Variants in BANP observed in about 807,000 individuals in gnomAD.
BANP encodes the protein protein BANP.
In BANP, 11 loss-of-function variants were observed where a neutral mutation model predicts 68.1. The ratio of observed to expected loss-of-function variants is 0.16; its 90% confidence interval spans 0.10 to 0.27. BANP has a LOEUF of 0.27. Ranked by LOEUF, BANP falls within the 10% of genes least tolerant of loss-of-function variation. BANP has a pLI of 1.00. For missense variants in BANP, 504 were observed against 722.7 expected (o/e 0.70, Z 3.47); for synonymous variants, 329 against 303.2 (o/e 1.09, Z -0.88).
chr16:88,030,406 G>A (rs1175668041), intron 8 of BANP, among the ~76,000 whole-genome samples: 5 of 152,238 alleles, frequency 3.3e-5, no homozygotes, highest in Admixed American at 6.5e-5. Context: ...CTCGAAGAGT[G>A]AGGAGAGTTG....
intron 13 of BANP, 61 bp downstream of exon 13, chr16:88,072,273 C>G (rs997059977): frequency 2.2e-5 from 34 of 1,547,886 alleles, no homozygotes; most frequent in Non-Finnish European, 2.8e-5. Context: ...GCCGCTGCCA[C>G]CGGGCACACG....
chr16:88,033,255 C>G lies in BANP; in HGVS notation c.1200+10C>G, dbSNP rs748972508. ...CGGACAGGTGCAAGTAGTACGTACCCTCTCCACCTCACACCTTGGGAAAGG... is the reference window on the plus strand; with the variant it reads ...CGGACAGGTGCAAGTAGTACGTACCGTCTCCACCTCACACCTTGGGAAAGG... On this transcript the variant is annotated intron_variant, in intron 9 of 13. Coordinates refer to ENST00000682872, the MANE Select transcript of BANP (RefSeq NM_001386991.1). 2 of 1,567,484 alleles carry G rather than the reference C, an allele frequency of 1.3e-6. No homozygotes were observed. Among genetic ancestry groups the G allele is most frequent in the Non-Finnish European group, 1.7e-6 (2 of 1,149,512 alleles).
In BANP at chr16:88,018,373, G is replaced by C; in HGVS notation, c.656-55G>C. On this transcript the variant is annotated intron_variant, in intron 6 of 13. Transcript: ENST00000682872. The surrounding 1 kb of genome is among the most constrained non-coding windows in gnomAD (Gnocchi z 7.7). ...CCTGAGCAGAGCGCTCTGCTGTCCTGAATGTGAGCTTATTTGAGCCTTGGC... is the reference window on the plus strand; with the variant it reads ...CCTGAGCAGAGCGCTCTGCTGTCCTCAATGTGAGCTTATTTGAGCCTTGGC... The C allele has an allele frequency of 6.3e-7, 1 of 1,575,372 alleles. No homozygotes were observed. Among genetic ancestry groups the C allele is most frequent in the Non-Finnish European group, 8.6e-7 (1 of 1,159,678 alleles).
At chr16:88,011,454 A>T (rs1016758049) in intron 6 of BANP, among the ~76,000 whole-genome samples, 21 of 152,188 alleles carry the variant, frequency 1.4e-4, no homozygotes, top group African/African-American at 4.3e-4. Flanking sequence ...GATCCTTTTT[A>T]ACTCAGGGTT....
At chr16:88,008,071 G>C (rs4843295) in intron 6 of BANP, among the ~76,000 whole-genome samples, 29,681 of 152,006 alleles carry the variant, frequency 0.2, 3,624 homozygotes, top group South Asian at 0.36. Flanking sequence ...GCTCATCTCC[G>C]TCCTCGTGGA....
chr16:88,031,808 T>A (rs1037948537), intron 8 of BANP, among the ~76,000 whole-genome samples: 2 of 131,828 alleles, frequency 1.5e-5, no homozygotes, highest in South Asian at 2.9e-4. Context: ...CTCCCCTCTC[T>A]TGCCCCTCCC....
intron 4 of BANP, among the ~76,000 whole-genome samples, chr16:87,997,659 G>A (rs554503572): frequency 6.6e-6 from 1 of 152,058 alleles, no homozygotes; most frequent in South Asian, 2.1e-4. Flanking sequence ...TAGCCAGGAT[G>A]GCTGGGAGTG....
rs1428223886 is a variant in BANP at position 88,057,899 on chromosome 16, G to A, written c.1312-7368G>A. ...TCCGGACAGTGCGGTGCGGGGCAGC[G>A]AGTGGCCGCCTGTGTTCCGACAAGC... On this transcript the variant is annotated intron_variant, in intron 11 of 13. Transcript: ENST00000682872. The surrounding 1 kb of genome is among the most constrained non-coding windows in gnomAD (Gnocchi z 4.6). 3.3e-5 allele frequency among the ~76,000 whole-genome samples: 5 copies of A among 152,148 alleles called. 1 individual carries two copies. The highest frequency in any genetic ancestry group is 1.3e-4 in the Admixed American group (2 of 15,284).
At chr16:88,048,232 A>T (rs1392742600) in intron 11 of BANP, among the ~76,000 whole-genome samples, 1 of 152,250 alleles carries the variant, frequency 6.6e-6, no homozygotes, top group Admixed American at 6.5e-5. Flanking sequence ...ATTTGATGTG[A>T]TTGAAGACTT....
Position 88,033,018 on chromosome 16 carries a change from C to T in BANP, c.1064-91C>T, listed in dbSNP as rs551984807. On this transcript the variant is annotated intron_variant, in intron 8 of 13. Coordinates refer to ENST00000682872, the MANE Select transcript of BANP (RefSeq NM_001386991.1). ...ATTTCCTCTTCTCTGCTGTGGGAGT[C>T]GACAGTGGGGGACGGGGGTGCACAC... 4.3e-5 allele frequency: 58 copies of T among 1,352,646 alleles called. No individual in the cohort carries two copies. The East Asian group carries it at 6.6e-4, about 15-fold the overall frequency. The allele number at this position is 1,352,646 out of a possible 1,614,324, so 83.8% of individuals were successfully genotyped here. A position where few individuals can be genotyped will look rare whatever the true frequency, so the allele number is the denominator to read the frequency against.
At chr16:87,986,788 A>G (rs1470483914) in intron 4 of BANP, among the ~76,000 whole-genome samples, 1 of 152,202 alleles carries the variant, frequency 6.6e-6, no homozygotes, top group Non-Finnish European at 1.5e-5. Flanking sequence ...CAGTGAAATA[A>G]GAGTAAAGTT....
intron 7 of BANP, among the ~76,000 whole-genome samples, chr16:88,026,970 A>C (rs1274676176): frequency 1.3e-5 from 2 of 152,370 alleles, no homozygotes; most frequent in Non-Finnish European, 2.9e-5. Context: ...CGGGAGGGCC[A>C]GGTGGTTATC....
intron 3 of BANP, among the ~76,000 whole-genome samples, chr16:87,983,157 G>A (rs12918162): frequency 0.65 from 99,291 of 151,852 alleles, 33,054 homozygotes; most frequent in African/African-American, 0.74. Flanking sequence ...GACGAAACAC[G>A]AATTCTGTGC....
At chr16:87,964,571 C>CTG (rs1218382713) in intron 1 of BANP, among the ~76,000 whole-genome samples, 1 of 149,550 alleles carries the variant, frequency 6.7e-6, no homozygotes, top group African/African-American at 2.5e-5. Context: ...GCCCCAGGGG[C>CTG]TGCAGAGGGC....
At chr16:88,073,907 GA>G (rs2091018592) in intron 13 of BANP, among the ~76,000 whole-genome samples, 1 of 152,246 alleles carries the variant, frequency 6.6e-6, no homozygotes, top group Admixed American at 6.5e-5. Context: ...CCAGGTGAAT[GA>G]TTTAATTAGG....
At chr16:88,074,006 C>T (rs1027780673) in intron 13 of BANP, among the ~76,000 whole-genome samples, 3 of 152,228 alleles carry the variant, frequency 2.0e-5, no homozygotes, top group African/African-American at 4.8e-5. Flanking sequence ...TGGTGGTGAG[C>T]GGGTTTGCCC....
chr16:87,995,386 G>A (rs1370821208), intron 4 of BANP, among the ~76,000 whole-genome samples: 1 of 152,208 alleles, frequency 6.6e-6, no homozygotes, highest in East Asian at 1.9e-4. Context: ...GTGTTATGTA[G>A]GAGCATAAAT....
At chr16:88,053,077 A>C (rs1019017631) in intron 11 of BANP, among the ~76,000 whole-genome samples, 19 of 151,820 alleles carry the variant, frequency 1.3e-4, no homozygotes, top group African/African-American at 4.4e-4. Context: ...CATCATTATC[A>C]CCAACCCAAC....
chr16:88,010,562 C>G lies in BANP; in HGVS notation c.655+4297C>G, dbSNP rs144545336. 9.0e-3 allele frequency among the ~76,000 whole-genome samples: 1,372 copies of G among 152,312 alleles called. 15 individuals are homozygous for G. The highest frequency in any genetic ancestry group is 0.03 in the African/African-American group (1,264 of 41,552). ...CCGTGCTGACCTCGTTGTCCCAGAC[C>G]TCGTTGTCCACAGAATGTCGGCCAT... On this transcript the variant is annotated intron_variant, in intron 6 of 13. Coordinates refer to ENST00000682872, the MANE Select transcript of BANP (RefSeq NM_001386991.1).
Sources: gnomAD v4.1 joint callset for allele counts (sites outside exome capture counted in the v4.1 genomes callset) on GRCh38, gnomAD v4.1.1 for gene constraint, Gnocchi (gnomAD v3.1) non-coding constraint, MANE v1.5 for transcripts, NCBI Gene and HGNC (gene_info 2026-07-23, HGNC 2026-07-21) for gene names.